The following SYNE1 variants were observed in gnomAD, a reference collection of about 807,000 sequenced individuals.
The protein encoded by SYNE1 is spectrin repeat containing nuclear envelope protein 1.
SYNE1 carries 616 observed loss-of-function variants against 1,111.0 expected under a neutral mutation model. The observed-to-expected ratio is 0.55, with a 90% CI of 0.52 to 0.59. The LOEUF (loss-of-function observed/expected upper bound fraction) is 0.59, where lower values mean the gene tolerates loss of function less well. Ranked by LOEUF, SYNE1 falls within the 20% of genes least tolerant of loss-of-function variation. The pLI, the probability that SYNE1 is intolerant of heterozygous loss-of-function variation, is 0.00. For synonymous variants in SYNE1, 3,855 were observed against 3,825.8 expected, an observed-to-expected ratio of 1.01 and a Z score of -0.28; for missense variants, 10,006 against 10,417.0, an observed-to-expected ratio of 0.96 and a Z score of 1.72.
At chr6:152,620,372 T>C (rs894797420) in intron 3 of SYNE1, among the ~76,000 whole-genome samples, 5 of 152,152 alleles carry the variant, frequency 3.3e-5, no homozygotes, top group African/African-American at 1.2e-4. Context: ...TTAAACACTA[T>C]CTCTGTGCTG....
chr6:152,396,679 T>G, intron 50 of SYNE1, 96 bp downstream of exon 50: 1 of 1,163,864 alleles, frequency 8.6e-7, no homozygotes, highest in South Asian at 1.2e-5. Flanking sequence ...ACTCACAGTG[T>G]CAAACGTTAT....
At chr6:152,351,918 G>A (rs952541051) in intron 70 of SYNE1, 109 bp downstream of exon 70, 6 of 972,158 alleles carry the variant, frequency 6.2e-6, no homozygotes, top group East Asian at 2.5e-5. Flanking sequence ...GGACACATGC[G>A]GGATGCATTC....
At chr6:152,418,911 C>T (rs1433625148) in intron 40 of SYNE1, among the ~76,000 whole-genome samples, 2 of 152,184 alleles carry the variant, frequency 1.3e-5, no homozygotes, top group African/African-American at 4.8e-5. Flanking sequence ...CCTCCCATAG[C>T]TTGTCCCTAC....
chr6:152,450,709 G>A lies in SYNE1; in HGVS notation c.3311C>T (p.Thr1104Ile), dbSNP rs1300670718. ...AATGGCAGCTCTGAGCTCTTTGAGAGTCACGTGACAGGTTCCAGGTGTGTC... is the reference window on the plus strand; with the variant it reads ...AATGGCAGCTCTGAGCTCTTTGAGAATCACGTGACAGGTTCCAGGTGTGTC... ...VRDTPGTCHV[T>I]LKELRAAIDS... The change falls in exon 27 of 146, where the codon ACT becomes ATT. Residue 1104 changes from threonine to isoleucine, a missense_variant. This residue lies in a region of SYNE1 where 1,971 missense variants were observed against 2,084.1 expected (regional missense o/e 0.95). Transcript: ENST00000367255. 2 of 1,614,146 alleles carry A rather than the reference G, an allele frequency of 1.2e-6. No individual in the cohort carries two copies. The highest frequency in any genetic ancestry group is 1.1e-5 in the South Asian group (1 of 91,082).
chr6:152,343,975 A>G (rs2096585611), intron 74 of SYNE1, 106 bp downstream of exon 74: 2 of 1,503,340 alleles, frequency 1.3e-6, no homozygotes, highest in Admixed American at 3.4e-5. Flanking sequence ...CTACTTTTAG[A>G]TTCCCAGGAG....
chr6:152,387,021 A>C, intron 54 of SYNE1, 51 bp downstream of exon 54: 1 of 1,439,654 alleles, frequency 6.9e-7, no homozygotes, highest in South Asian at 1.3e-5. Context: ...ATAAATCAAT[A>C]TATTGTATTA....
At position 152,444,505 on chromosome 6, in the gene SYNE1, A is replaced by G. The variant is rs762964265; in HGVS notation, c.3743T>C (p.Leu1248Ser). ...KEIVKNSLEE[L>S]ISGSKEVQEQ... ...CTGGACTTCTTTAGAGCCAGAAATT[A>G]ATTCTTCGAGAGAATTTTTGACTAT... The change falls in exon 30 of 146, where the codon TTA becomes TCA. Residue 1248 changes from leucine (L) to serine (S), a missense_variant. Transcript: ENST00000367255. 34 of 1,613,794 alleles carry G rather than the reference A, an allele frequency of 2.1e-5. No homozygotes were observed. Among genetic ancestry groups the G allele is most frequent in the Non-Finnish European group, 2.0e-5 (24 of 1,179,946 alleles).
chr6:152,369,826 A>G (rs1007488153), intron 59 of SYNE1, among the ~76,000 whole-genome samples: 1 of 151,840 alleles, frequency 6.6e-6, no homozygotes, highest in Non-Finnish European at 1.5e-5. Context: ...CTACTAAAAT[A>G]CAAAAAATTA....
chr6:152,514,622 T>C (rs556965473), intron 6 of SYNE1, among the ~76,000 whole-genome samples: 2 of 139,488 alleles, frequency 1.4e-5, no homozygotes, highest in South Asian at 4.5e-4. Flanking sequence ...ACTTAAAGTA[T>C]AATTTAAAAA....
chr6:152,529,271 T>A (rs896570495), intron 4 of SYNE1, among the ~76,000 whole-genome samples: 1 of 152,242 alleles, frequency 6.6e-6, no homozygotes, highest in Non-Finnish European at 1.5e-5. Flanking sequence ...GAAGGACTAT[T>A]TTGTCATAAT....
At chr6:152,449,701 G>T in intron 27 of SYNE1, 60 bp from the exon 28 acceptor site, 1 of 1,307,000 alleles carries the variant, frequency 7.7e-7, no homozygotes, top group Non-Finnish European at 1.1e-6. Context: ...ATCAGAATAT[G>T]TTTTCTATTT....
chr6:152,224,761 C>T (rs2081060190), intron 116 of SYNE1, 97 bp from the exon 117 acceptor site: 2 of 1,263,656 alleles, frequency 1.6e-6, no homozygotes, highest in Non-Finnish European at 2.3e-6. Context: ...CTAAGAACTT[C>T]ATCAGGGTTT....
intron 7 of SYNE1, 38 bp downstream of exon 7, chr6:152,510,973 A>T: frequency 6.4e-7 from 1 of 1,567,144 alleles, no homozygotes; most frequent in Non-Finnish European, 8.8e-7. Context: ...TCCCTCTGAG[A>T]CATTGCATCA....
Position 152,387,327 on chromosome 6 carries a change from C to A in SYNE1, c.8232G>T (p.Gln2744His). Residue 2744 changes from glutamine (Q) to histidine (H), a missense_variant, in exon 54 of 146, where the codon CAG becomes CAT. Physicochemically the swap from Gln to His is conservative, Grantham distance 24 (BLOSUM62 0). Around this residue, in one of 7 missense-constraint regions of SYNE1, gnomAD observed 4,955 missense variants for 5,017.2 expected, o/e 0.99. Coordinates refer to ENST00000367255, the MANE Select transcript of SYNE1 (RefSeq NM_182961.4). ...QWNDYVERKN[Q>H]LEQWMESVDQ... is the part of the protein sequence containing the mutation. ...CCACTGATTCCATCCACTGCTCCAA[C>A]TGGTTTTTCCTCTCTACATAGTCAT... The A allele has an allele frequency of 6.2e-7, 1 of 1,614,232 alleles. No homozygotes were observed. Among genetic ancestry groups the A allele is most frequent in the Non-Finnish European group, 8.5e-7 (1 of 1,180,034 alleles).
At chr6:152,365,160 T>TG in intron 62 of SYNE1, 141 bp from the exon 63 acceptor site, 1 of 1,043,840 alleles carries the variant, frequency 9.6e-7, no homozygotes, top group Non-Finnish European at 1.4e-6. Flanking sequence ...AGACAGAGGG[T>TG]GGGGAAGTGG....
intron 81 of SYNE1, among the ~76,000 whole-genome samples, chr6:152,324,140 T>C (rs1345047086): frequency 1.3e-5 from 2 of 152,350 alleles, no homozygotes; most frequent in African/African-American, 4.8e-5. Flanking sequence ...GGCTCGTGCC[T>C]GTAATCCCAG....
chr6:152,201,651 C>T (rs963676719), intron 127 of SYNE1, among the ~76,000 whole-genome samples, 173 bp downstream of exon 127: 23 of 152,086 alleles, frequency 1.5e-4, no homozygotes, highest in African/African-American at 5.3e-4. Context: ...ATAATTTCAT[C>T]AACTGCAATA....
chr6:152,266,531 AT>A, intron 100 of SYNE1, among the ~76,000 whole-genome samples: 1 of 152,342 alleles, frequency 6.6e-6, no homozygotes, highest in African/African-American at 2.4e-5. Flanking sequence ...ATCTTTAAGC[AT>A]GATACACAAC....
intron 3 of SYNE1, among the ~76,000 whole-genome samples, chr6:152,543,116 T>C (rs2099279862): frequency 1.3e-5 from 2 of 152,146 alleles, no homozygotes; most frequent in African/African-American, 4.8e-5. Flanking sequence ...AATAGTATTG[T>C]AACAATTTCA....
Sources: gnomAD v4.1 joint callset for allele counts (sites outside exome capture counted in the v4.1 genomes callset) on GRCh38, gnomAD v4.1.1 for gene constraint, gnomAD v4.1.1 regional missense constraint, MANE v1.5 for transcripts, NCBI Gene and HGNC (gene_info 2026-07-23, HGNC 2026-07-21) for gene names.